Variants in CPQ observed in about 807,000 individuals in gnomAD.
The protein encoded by CPQ is carboxypeptidase Q, also known as Ser-Met dipeptidase.
A neutral mutation model predicts 45.7 loss-of-function variants in CPQ; 37 were observed. The observed-to-expected ratio is 0.81, with a 90% CI of 0.62 to 1.07. The LOEUF (loss-of-function observed/expected upper bound fraction) is 1.07. Among genes scored for constraint, CPQ ranks in the 50% least tolerant of loss-of-function variants. CPQ has a pLI of 0.00. For synonymous variants in CPQ, 186 were observed against 205.8 expected (o/e 0.90, Z 0.82); for missense variants, 537 against 572.9 (o/e 0.94, Z 0.64).
At chr8:96,868,909 C>T (rs1812028545) in intron 3 of CPQ, among the ~76,000 whole-genome samples, 1 of 151,720 alleles carries the variant, frequency 6.6e-6, no homozygotes, top group African/African-American at 2.4e-5. Context: ...TTTTAGTTTG[C>T]TGCAATTTTT....
At chr8:97,013,079 C>T (rs186297903) in intron 5 of CPQ, among the ~76,000 whole-genome samples, 81 of 152,202 alleles carry the variant, frequency 5.3e-4, no homozygotes, top group Non-Finnish European at 9.0e-4. Flanking sequence ...CAGCCTATTT[C>T]CACCTACCCC....
intron 7 of CPQ, among the ~76,000 whole-genome samples, chr8:97,081,350 C>T (rs539687349): frequency 6.6e-6 from 1 of 152,082 alleles, no homozygotes; most frequent in East Asian, 1.9e-4. Context: ...CAGTTGCCCC[C>T]CCATACGCTT....
At chr8:96,804,223 C>T (rs1811047602) in intron 2 of CPQ, among the ~76,000 whole-genome samples, 1 of 152,126 alleles carries the variant, frequency 6.6e-6, no homozygotes, top group Non-Finnish European at 1.5e-5. Context: ...GTGGATGGTG[C>T]TAGAACTGGA....
intron 3 of CPQ, among the ~76,000 whole-genome samples, chr8:96,841,852 A>G (rs975720925): frequency 1.3e-5 from 2 of 152,152 alleles, no homozygotes; most frequent in African/African-American, 2.4e-5. Context: ...ATGCTATACC[A>G]TCTGGTGAGA....
intron 6 of CPQ, among the ~76,000 whole-genome samples, chr8:97,033,698 G>A (rs1809948995): frequency 1.3e-5 from 2 of 151,576 alleles, no homozygotes; most frequent in African/African-American, 4.8e-5. Context: ...GCACTAGCTA[G>A]GGAGAAAAAC....
chr8:97,122,962 AAAATAAAATAAAATAAAAT>A (rs1811746841), intron 7 of CPQ, among the ~76,000 whole-genome samples: 1 of 77,268 alleles, frequency 1.3e-5, no homozygotes, highest in Non-Finnish European at 2.1e-5. Context: ...AAAATAAAAT[AAAATAAAATAAAATAAAAT>A]TAAAATAAAA....
intron 3 of CPQ, among the ~76,000 whole-genome samples, chr8:96,851,050 C>A (rs1015628432): frequency 2.0e-5 from 3 of 152,164 alleles, no homozygotes; most frequent in Admixed American, 6.5e-5. Flanking sequence ...AAAGAGCTAG[C>A]ATACACTCAA....
chr8:96,858,029 TGTATGGCC>T (rs1242846701), intron 3 of CPQ, among the ~76,000 whole-genome samples: 1 of 152,162 alleles, frequency 6.6e-6, no homozygotes, highest in Non-Finnish European at 1.5e-5. Context: ...GCACCTACCA[TGTATGGCC>T]ACTCTCCTAA....
At chr8:96,972,174 G>T (rs1370428622) in intron 5 of CPQ, among the ~76,000 whole-genome samples, 1 of 152,230 alleles carries the variant, frequency 6.6e-6, no homozygotes, top group African/African-American at 2.4e-5. Context: ...CACTGTGGGA[G>T]TGAGACCGGC....
intron 1 of CPQ, among the ~76,000 whole-genome samples, chr8:96,761,862 T>C (rs1260493655): frequency 6.6e-6 from 1 of 152,218 alleles, no homozygotes; most frequent in Non-Finnish European, 1.5e-5. Flanking sequence ...CTCTTTACTA[T>C]TTGTGTGACC....
intron 6 of CPQ, among the ~76,000 whole-genome samples, chr8:97,035,279 T>G (rs139456913): frequency 6.6e-6 from 1 of 152,214 alleles, no homozygotes; most frequent in African/African-American, 2.4e-5. Context: ...GAATATTCTG[T>G]TGATGGACAT....
rs1458252140 is a variant in CPQ, at chr8:96,844,877, T to C, written c.641+9697T>C. Among the ~76,000 whole-genome samples, 3 of 152,234 alleles carry C rather than the reference T, an allele frequency of 2.0e-5. No homozygotes were observed. The East Asian group carries it at 5.8e-4, about 29-fold the overall frequency. On this transcript the variant is annotated intron_variant, in intron 3 of 7. Transcript: ENST00000220763. ...TTGACTAAAAACTATGCACTTGTCT[T>C]TTCCATTCTCTCTATCCTCATGTTA...
intron 4 of CPQ, among the ~76,000 whole-genome samples, chr8:96,900,953 C>T (rs150764143): frequency 1.5e-3 from 229 of 152,262 alleles, no homozygotes; most frequent in African/African-American, 5.2e-3. Flanking sequence ...AAATAGGCCC[C>T]ATGTCTCTGC....
chr8:96,697,216 CA>C (rs1369115383), intron 1 of CPQ, among the ~76,000 whole-genome samples: 1 of 152,188 alleles, frequency 6.6e-6, no homozygotes, highest in African/African-American at 2.4e-5. Context: ...GTATCCTCAA[CA>C]TATGCAAACC....
chr8:96,941,971 C>CA (rs1488736340), intron 4 of CPQ, among the ~76,000 whole-genome samples: 1 of 152,098 alleles, frequency 6.6e-6, no homozygotes, highest in Non-Finnish European at 1.5e-5. Context: ...GGTGTTTAGC[C>CA]ATTCAAGCTA....
At chr8:97,030,672 C>T (rs1809885073) in intron 6 of CPQ, among the ~76,000 whole-genome samples, 1 of 152,196 alleles carries the variant, frequency 6.6e-6, no homozygotes, top group Admixed American at 6.5e-5. Flanking sequence ...TTAATATTTT[C>T]TGAACATGTA....
At chr8:97,034,380 CAT>C (rs1180387759) in intron 6 of CPQ, among the ~76,000 whole-genome samples, 1 of 152,158 alleles carries the variant, frequency 6.6e-6, no homozygotes, top group Non-Finnish European at 1.5e-5. Context: ...TGCAAGTTCA[CAT>C]GTTTCAATAA....
intron 1 of CPQ, among the ~76,000 whole-genome samples, chr8:96,681,072 G>A (rs780873124): frequency 7.2e-5 from 11 of 152,182 alleles, no homozygotes; most frequent in Non-Finnish European, 1.5e-4. Context: ...GAGCATAAAA[G>A]TTTGGAAATT....
intron 2 of CPQ, among the ~76,000 whole-genome samples, chr8:96,792,680 C>A (rs1450253052): frequency 6.6e-6 from 1 of 152,026 alleles, no homozygotes; most frequent in Non-Finnish European, 1.5e-5. Flanking sequence ...TAAATAGTTA[C>A]TCATTTAGTT....
Sources: gnomAD v4.1 joint callset for allele counts (sites outside exome capture counted in the v4.1 genomes callset) on GRCh38, gnomAD v4.1.1 for gene constraint, MANE v1.5 for transcripts, NCBI Gene and HGNC (gene_info 2026-07-23, HGNC 2026-07-21) for gene names.